Variants in RPS6KA2 observed in about 807,000 individuals in gnomAD.
RPS6KA2 encodes ribosomal protein S6 kinase alpha-2.
Under a neutral mutation model 91.8 loss-of-function variants are expected in RPS6KA2, and 42 were observed. That is an observed-to-expected ratio of 0.46 (90% CI 0.36 to 0.59). The LOEUF (loss-of-function observed/expected upper bound fraction) is 0.59, where lower values mean the gene tolerates loss of function less well. Ranked by LOEUF, RPS6KA2 falls within the 20% of genes least tolerant of loss-of-function variation. The pLI is 0.00. For missense variants in RPS6KA2, 798 were observed against 978.5 expected, an observed-to-expected ratio of 0.82 and a Z score of 2.46; for synonymous variants, 414 against 393.6, an observed-to-expected ratio of 1.05 and a Z score of -0.61.
intron 2 of RPS6KA2, among the ~76,000 whole-genome samples, chr6:166,753,916 C>T (rs1269668488): frequency 6.6e-6 from 1 of 152,196 alleles, no homozygotes; most frequent in African/African-American, 2.4e-5. Context: ...AACGTACTAA[C>T]CCAACACAAG....
At position 166,537,958 on chromosome 6, in the gene RPS6KA2, T is replaced by C. The variant is rs528925682; in HGVS notation, c.216+710A>G. On this transcript the variant is annotated intron_variant, in intron 2 of 20. Coordinates refer to ENST00000265678, the MANE Select transcript of RPS6KA2 (RefSeq NM_021135.6). The stretch of plus-strand genomic sequence containing the variant: ...AAAGCGTTATTGACATCTTGTTGTA[T>C]GTGGACGTGGCATTAAATGAAGAGC... Among the ~76,000 whole-genome samples, 20 of 152,374 alleles carry C rather than the reference T, an allele frequency of 1.3e-4. No individual in the cohort carries two copies. The South Asian group carries it at 2.5e-3, about 19-fold the overall frequency.
intron 2 of RPS6KA2, among the ~76,000 whole-genome samples, chr6:166,693,320 G>A (rs115533646): frequency 2.5e-4 from 38 of 152,322 alleles, no homozygotes; most frequent in African/African-American, 7.9e-4. Flanking sequence ...TGCTAAACAC[G>A]CGGAAGTGAT....
chr6:166,715,308 C>A (rs1021134451), intron 2 of RPS6KA2, among the ~76,000 whole-genome samples: 1 of 152,200 alleles, frequency 6.6e-6, no homozygotes, highest in African/African-American at 2.4e-5. Context: ...CCATAGAAGC[C>A]GGGCCTTCTC....
chr6:166,778,528 G>A (rs1250212093), intron 2 of RPS6KA2, among the ~76,000 whole-genome samples: 2 of 152,208 alleles, frequency 1.3e-5, no homozygotes, highest in African/African-American at 4.8e-5. Flanking sequence ...CACTTTCGGA[G>A]GCCGAGATGG....
chr6:166,495,756 G>A lies in RPS6KA2; in HGVS notation c.747+2752C>T, dbSNP rs368477220. ...ACAACGACAATAAAAGATGGCAGAC[G>A]TTAGAGCAGTGGCAAGCCAGGAGTG... On this transcript the variant is annotated intron_variant, in intron 8 of 20. Coordinates refer to ENST00000265678, the MANE Select transcript of RPS6KA2 (RefSeq NM_021135.6). The surrounding 1 kb of genome is among the most constrained non-coding windows in gnomAD (Gnocchi z 4.4). Among the ~76,000 whole-genome samples, 8 of 152,340 alleles carry A rather than the reference G, an allele frequency of 5.3e-5. No individual in the cohort carries two copies. The highest frequency in any genetic ancestry group is 3.4e-3 in the Middle Eastern group (1 of 294).
chr6:166,684,730 G>A (rs1287777804), intron 2 of RPS6KA2, among the ~76,000 whole-genome samples: 6 of 152,068 alleles, frequency 3.9e-5, no homozygotes, highest in East Asian at 1.9e-4. Flanking sequence ...CTCCATCCCC[G>A]AAAGCCTCAC....
chr6:166,798,720 A>G (rs970554889), intron 2 of RPS6KA2, among the ~76,000 whole-genome samples: 10 of 152,222 alleles, frequency 6.6e-5, no homozygotes, highest in African/African-American at 1.9e-4. Flanking sequence ...TGATCTGTCT[A>G]GGAACTTCTC....
chr6:166,759,233 T>C (rs1364739025), intron 2 of RPS6KA2, among the ~76,000 whole-genome samples: 1 of 152,240 alleles, frequency 6.6e-6, no homozygotes, highest in Non-Finnish European at 1.5e-5. Flanking sequence ...CTATGGGAAC[T>C]TTATTAAGAA....
chr6:166,451,973 G>A (rs556247687), intron 12 of RPS6KA2, among the ~76,000 whole-genome samples: 21 of 152,282 alleles, frequency 1.4e-4, no homozygotes, highest in African/African-American at 4.8e-4. Context: ...TCTATTGCCC[G>A]AAAGCTCCCA....
At position 166,638,048 on chromosome 6, in the gene RPS6KA2, CG is replaced by C. The variant is rs1308021221; in HGVS notation, c.124-99265del. On this transcript the variant is annotated intron_variant, in intron 2 of 21. Coordinates refer to the RPS6KA2 transcript ENST00000503859. ...CAGCCTTCGCCCAGGGGCACGGCCT[CG>C]GTTCACCGCCTGTGTGAAAACAGCA... 2.6e-5 allele frequency among the ~76,000 whole-genome samples: 4 copies of C among 152,244 alleles called. No homozygotes were observed. In the East Asian group the frequency reaches 7.7e-4, roughly 29 times the overall value.
chr6:166,831,032 C>T (rs189766563), intron 2 of RPS6KA2, among the ~76,000 whole-genome samples: 87 of 152,282 alleles, frequency 5.7e-4, no homozygotes, highest in Middle Eastern at 3.4e-3. Context: ...TGACTCACCA[C>T]GCATGTGGCC....
chr6:166,600,199 C>T (rs995643379), intron 1 of RPS6KA2, among the ~76,000 whole-genome samples: 3 of 152,134 alleles, frequency 2.0e-5, no homozygotes, highest in African/African-American at 7.2e-5. Context: ...TTAGTACAGA[C>T]AAGGTCTCAC....
intron 2 of RPS6KA2, among the ~76,000 whole-genome samples, chr6:166,824,848 T>C (rs1780009666): frequency 6.6e-6 from 1 of 152,056 alleles, no homozygotes; most frequent in Admixed American, 6.5e-5. Context: ...TATGCTTGTG[T>C]GTGTATCTAT....
At chr6:166,447,225 C>T (rs1487112519) in intron 14 of RPS6KA2, among the ~76,000 whole-genome samples, 1 of 152,192 alleles carries the variant, frequency 6.6e-6, no homozygotes, top group East Asian at 1.9e-4. Context: ...GGTGGACATT[C>T]TACCATGACA....
chr6:166,419,779 A>C lies in RPS6KA2; in HGVS notation c.1820+103T>G. 9.7e-7 allele frequency: 1 copy of C among 1,027,954 alleles called. No homozygotes were observed. Among genetic ancestry groups the C allele is most frequent in the Non-Finnish European group, 1.5e-6 (1 of 661,534 alleles). 63.7% of individuals were successfully genotyped at this position (1,027,954 alleles called of 1,614,324 possible). A position where few individuals can be genotyped will look rare whatever the true frequency, so the allele number is the denominator to read the frequency against. On this transcript the variant is annotated intron_variant, in intron 18 of 20. Coordinates refer to ENST00000265678, the MANE Select transcript of RPS6KA2 (RefSeq NM_021135.6). This position sits in a 1 kb window ranked among gnomAD's most constrained non-coding sequence, Gnocchi z 5.6. ...TTGCATACACGTTGGGTTTGCCCAC[A>C]TGCGCACACTAGGACAGGGCTGGCC... is the stretch of plus-strand genomic sequence containing the variant.
At chr6:166,441,424 C>G (rs957263697) in intron 14 of RPS6KA2, among the ~76,000 whole-genome samples, 3 of 152,242 alleles carry the variant, frequency 2.0e-5, no homozygotes, top group Non-Finnish European at 4.4e-5. Context: ...ACAGGACTGG[C>G]CTGGACCTCT....
rs1780038346 is a variant in RPS6KA2 at position 166,825,893 on chromosome 6, G to T, written c.123+32307C>A. Among the ~76,000 whole-genome samples the T allele has an allele frequency of 6.6e-6, 1 of 152,182 alleles. No homozygotes were observed. Among genetic ancestry groups the T allele is most frequent in the Non-Finnish European group, 1.5e-5 (1 of 68,038 alleles). On this transcript the variant is annotated intron_variant, in intron 2 of 21. Transcript: ENST00000503859. The surrounding 1 kb of genome is among the most constrained non-coding windows in gnomAD (Gnocchi z 4.1). The stretch of plus-strand genomic sequence containing the variant: ...CCACAGCACAGATGAAATGTCCACA[G>T]CAGGAAGGAACAGATTCCTCCACTG...
At chr6:166,589,177 G>A (rs2128520452) in intron 1 of RPS6KA2, among the ~76,000 whole-genome samples, 1 of 152,346 alleles carries the variant, frequency 6.6e-6, no homozygotes, top group South Asian at 2.1e-4. Context: ...TATGGGGCCA[G>A]TCTCCTCCTA....
At position 166,531,285 on chromosome 6, in the gene RPS6KA2, G is replaced by A; in HGVS notation, c.245C>T (p.Ser82Phe). The A allele has an allele frequency of 6.2e-7, 1 of 1,614,034 alleles. No individual in the cohort carries two copies. Among genetic ancestry groups the A allele is most frequent in the East Asian group, 2.2e-5 (1 of 44,882 alleles). Reference protein sequence around the residue: ...KVFLVRKVKGSDAGQLYAMKV... With the variant: ...KVFLVRKVKGFDAGQLYAMKV... ...CATGGCGTAGAGCTGCCCAGCGTCG[G>A]ACCCCTTCACCTTCCTCACCAGGAA... The change falls in exon 3 of 21, where the codon TCC (serine) becomes TTC (phenylalanine). Residue 82 changes from serine to phenylalanine, a missense_variant. Transcript: ENST00000265678.
Sources: allele counts gnomAD v4.1 joint callset (sites outside exome capture counted in the v4.1 genomes callset), GRCh38; gene constraint gnomAD v4.1.1; non-coding constraint Gnocchi (gnomAD v3.1); transcripts MANE v1.5; gene names NCBI Gene and HGNC (gene_info 2026-07-23, HGNC 2026-07-21).